The following CUL5 variants were observed in gnomAD, a reference collection of about 807,000 sequenced individuals.
CUL5 encodes the protein cullin-5.
CUL5 carries 26 observed loss-of-function variants against 108.8 expected under a neutral mutation model. That is an observed-to-expected ratio of 0.24 (90% CI 0.18 to 0.33). CUL5 has a LOEUF of 0.33. Among genes scored for constraint, CUL5 ranks in the 10% least tolerant of loss-of-function variants. The pLI is 1.00. For synonymous variants in CUL5, 334 were observed against 298.0 expected (o/e 1.12, Z -1.25); for missense variants, 524 against 909.2 (o/e 0.58, Z 5.45).
chr11:108,095,719 A>T lies in CUL5; in HGVS notation c.1905+28A>T, dbSNP rs561056930. 2.8e-5 allele frequency: 44 copies of T among 1,578,228 alleles called. No individual in the cohort carries two copies. In the Admixed American group the frequency reaches 7.9e-4, roughly 28 times the overall value. On this transcript the variant is annotated intron_variant, in intron 16 of 18. Transcript: ENST00000393094. Reference sequence around the variant, plus strand: ...TGGTTTATGTTTTTTTGTTTTTAAGACTGTATCCTCTCATGTAGCAGGAAA... The same window carrying T: ...TGGTTTATGTTTTTTTGTTTTTAAGTCTGTATCCTCTCATGTAGCAGGAAA...
Position 108,067,589 on chromosome 11 carries a change from A to G in CUL5, c.781-2507A>G, listed in dbSNP as rs536350749. Among the ~76,000 whole-genome samples the G allele has an allele frequency of 4.6e-5, 7 of 152,168 alleles. No individual in the cohort carries two copies. In the South Asian group the frequency reaches 1.5e-3, roughly 32 times the overall value. On this transcript the variant is annotated intron_variant, in intron 7 of 18. Transcript: ENST00000393094. ...CACAGCCATTAAAACTGATTTCACA[A>G]CATACAGTCTGAAACACACTGGTCT...
intron 2 of CUL5, among the ~76,000 whole-genome samples, chr11:108,042,982 C>CGAA (rs1237468672): frequency 1.3e-5 from 2 of 152,120 alleles, no homozygotes; most frequent in African/African-American, 4.8e-5. Context: ...AGGTTGGTTG[C>CGAA]GAACTCCTGG....
intron 1 of CUL5, among the ~76,000 whole-genome samples, chr11:108,011,849 A>C (rs191714316): frequency 7.2e-5 from 11 of 152,350 alleles, no homozygotes; most frequent in Admixed American, 2.6e-4. Flanking sequence ...GATGGTCTCC[A>C]TCTCTTGACC....
At chr11:108,052,257 G>A (rs575370689) in intron 4 of CUL5, among the ~76,000 whole-genome samples, 1 of 152,272 alleles carries the variant, frequency 6.6e-6, no homozygotes, top group Admixed American at 6.5e-5. Flanking sequence ...ACCACACGCA[G>A]TCGACCCTTC....
chr11:108,072,536 T>C lies in CUL5; in HGVS notation c.1005+74T>C, dbSNP rs1863851277. On this transcript the variant is annotated intron_variant, in intron 9 of 18. Coordinates refer to ENST00000393094, the MANE Select transcript of CUL5 (RefSeq NM_003478.6). ...TTAAATGTAGGATTATTGAAAATAG[T>C]GAGCGGTTACCAGAGGCTGGGGGTT... The C allele has an allele frequency of 7.0e-6, 8 of 1,145,480 alleles. No individual in the cohort carries two copies. The South Asian group carries it at 1.2e-4, about 18-fold the overall frequency. The allele number at this position is 1,145,480 out of a possible 1,614,324, so 71.0% of individuals were successfully genotyped here. A position where few individuals can be genotyped will look rare whatever the true frequency, so the allele number is the denominator to read the frequency against.
intron 11 of CUL5, 22 bp from the exon 12 acceptor site, chr11:108,088,505 C>T: frequency 6.4e-7 from 1 of 1,572,104 alleles, no homozygotes; most frequent in Non-Finnish European, 8.6e-7. Context: ...TTTCCATCAA[C>T]TGCTTTTAAT....
chr11:108,015,280 A>C (rs909399356), intron 1 of CUL5, among the ~76,000 whole-genome samples: 2 of 152,250 alleles, frequency 1.3e-5, no homozygotes, highest in Non-Finnish European at 2.9e-5. Context: ...GGAGCAAGTC[A>C]TGTACATATT....
At chr11:108,036,611 G>T (rs960883909) in intron 2 of CUL5, among the ~76,000 whole-genome samples, 5 of 152,082 alleles carry the variant, frequency 3.3e-5, no homozygotes, top group Non-Finnish European at 5.9e-5. Context: ...TTGAGTAGCT[G>T]GGACTACAGG....
Position 108,052,704 on chromosome 11 carries a change from A to T in CUL5, c.456A>T (p.Lys152Asn). The change falls in exon 5 of 19, where the codon AAA (lysine) becomes AAT (asparagine). Residue 152 changes from lysine (K) to asparagine (N), a missense_variant. This residue lies in a region of CUL5 where 170 missense variants were observed against 305.1 expected (regional missense o/e 0.56). Transcript: ENST00000393094. ...TWNESIFSNIKNRLQDSAMKL... is the reference protein window; with the variant it reads ...TWNESIFSNINNRLQDSAMKL... ...ATGAGTCAATCTTTTCAAACATAAA[A>T]AACAGACTCCAAGATAGTGCAATGA... 1 of 1,613,136 alleles carries T rather than the reference A, an allele frequency of 6.2e-7. No homozygotes were observed. Among genetic ancestry groups the T allele is most frequent in the South Asian group, 1.1e-5 (1 of 90,856 alleles).
intron 1 of CUL5, among the ~76,000 whole-genome samples, chr11:108,019,588 C>T (rs1303681733): frequency 2.0e-5 from 3 of 152,068 alleles, no homozygotes; most frequent in South Asian, 4.1e-4. Context: ...GCCCTTGTAA[C>T]GTAGTAGTGC....
intron 2 of CUL5, among the ~76,000 whole-genome samples, chr11:108,045,067 A>G (rs1863033668): frequency 6.6e-6 from 1 of 152,128 alleles, no homozygotes; most frequent in Admixed American, 6.6e-5. Flanking sequence ...CTGGCCTACA[A>G]CTAGGTAATT....
intron 7 of CUL5, among the ~76,000 whole-genome samples, chr11:108,056,576 A>G (rs1223850411): frequency 2.0e-5 from 3 of 152,128 alleles, no homozygotes; most frequent in Admixed American, 6.6e-5. Context: ...CTTTATAGTG[A>G]TATAAATTCA....
At chr11:108,009,556 T>G (rs1353706971) in intron 1 of CUL5, among the ~76,000 whole-genome samples, 184 bp downstream of exon 1, 10 of 151,638 alleles carry the variant, frequency 6.6e-5, no homozygotes, top group Non-Finnish European at 1.5e-4. Context: ...GTCGACAGGC[T>G]CTGGTGGTCG....
chr11:108,041,764 G>C (rs56214765), intron 2 of CUL5, among the ~76,000 whole-genome samples: 2 of 151,652 alleles, frequency 1.3e-5, no homozygotes, highest in Non-Finnish European at 2.9e-5. Flanking sequence ...CTAATTTTTC[G>C]TATTTTTAGT....
At chr11:108,022,675 C>T (rs1467958477) in intron 1 of CUL5, among the ~76,000 whole-genome samples, 1 of 152,152 alleles carries the variant, frequency 6.6e-6, no homozygotes, top group Non-Finnish European at 1.5e-5. Context: ...CTTCTGTAAT[C>T]CACCCTCCCT....
Position 108,079,441 on chromosome 11 carries a change from C to T in CUL5, c.1178+1201C>T, listed in dbSNP as rs534602254. On this transcript the variant is annotated intron_variant, in intron 11 of 18. Coordinates refer to ENST00000393094, the MANE Select transcript of CUL5 (RefSeq NM_003478.6). ...TTTTTAATGAAAATGTTCAAACTTA[C>T]AATAGAGTTACTATGGTTGCTTTAT... 3.3e-5 allele frequency among the ~76,000 whole-genome samples: 5 copies of T among 152,254 alleles called. No homozygotes were observed. In the East Asian group the frequency reaches 9.6e-4, roughly 29 times the overall value.
At chr11:108,020,205 G>A (rs1039921649) in intron 1 of CUL5, among the ~76,000 whole-genome samples, 1 of 152,126 alleles carries the variant, frequency 6.6e-6, no homozygotes, top group Non-Finnish European at 1.5e-5. Flanking sequence ...TTTGTTTTTA[G>A]TGTGTGTACC....
Position 108,033,890 on chromosome 11 carries a change from A to G in CUL5, c.113A>G (p.Gln38Arg), listed in dbSNP as rs760082217. The G allele has an allele frequency of 6.2e-7, 1 of 1,612,054 alleles. No homozygotes were observed. The highest frequency in any genetic ancestry group is 8.5e-7 in the Non-Finnish European group (1 of 1,178,696). Reference protein sequence around the residue: ...KLLRQESVTKQQWFDLFSDVH... With the variant: ...KLLRQESVTKRQWFDLFSDVH... ...TTACGCCAGGAATCTGTTACAAAAC[A>G]GCAGTGGTTTGATCTGTTTTCGTAA... The change falls in exon 2 of 19, where the codon CAG becomes CGG. Residue 38 changes from glutamine to arginine, a missense_variant. Around this residue, in one of 8 missense-constraint regions of CUL5, gnomAD observed 76 missense variants for 90.8 expected, o/e 0.84. Transcript: ENST00000393094.
At chr11:108,098,257 A>G in intron 17 of CUL5, 149 bp from the exon 18 acceptor site, 1 of 626,658 alleles carries the variant, frequency 1.6e-6, no homozygotes, top group Non-Finnish European at 2.5e-6. Flanking sequence ...GTTTGTTTTA[A>G]AGCAATATGT....
Sources: gnomAD v4.1 joint callset for allele counts (sites outside exome capture counted in the v4.1 genomes callset) on GRCh38, gnomAD v4.1.1 for gene constraint, gnomAD v4.1.1 regional missense constraint, MANE v1.5 for transcripts, NCBI Gene and HGNC (gene_info 2026-07-23, HGNC 2026-07-21) for gene names.